STAT6: variants seen among roughly 807,000 people sequenced by gnomAD.
STAT6 encodes the protein STAT, interleukin4-induced.
STAT6 carries 45 observed loss-of-function variants against 106.3 expected under a neutral mutation model. The ratio of observed to expected loss-of-function variants is 0.42; its 90% CI spans 0.33 to 0.54. The LOEUF is 0.54. Among genes scored for constraint, STAT6 ranks in the 20% least tolerant of loss-of-function variants. The pLI, the probability that STAT6 is intolerant of heterozygous loss-of-function variation, is 0.06. For synonymous variants in STAT6, 413 were observed against 413.6 expected, an observed-to-expected ratio of 1.00 and a Z score of 0.02; for missense variants, 797 against 1,062.2, an observed-to-expected ratio of 0.75 and a Z score of 3.47.
At chr12:57,107,347 TGC>T in intron 3 of STAT6, 33 bp from the exon 4 acceptor site, 1 of 1,594,826 alleles carries the variant, frequency 6.3e-7, no homozygotes, top group African/African-American at 1.3e-5. Context: ...CAGTGAGCTT[TGC>T]TCTTACCCAT....
chr12:57,102,795 C>A lies in STAT6; in HGVS notation c.1305+34G>T, dbSNP rs758207223. On this transcript the variant is annotated intron_variant, in intron 12 of 21. Transcript: ENST00000300134. ...ACTGCCCATGTTAGAACCCACCCTG[C>A]CCCTGTTCCCTCCAACTCCAGGACT... is the stretch of plus-strand genomic sequence containing the variant. 10 of 1,568,242 alleles carry A rather than the reference C, an allele frequency of 6.4e-6. No homozygotes were observed. In the Admixed American group the frequency reaches 1.7e-4, roughly 26 times the overall value.
chr12:57,104,805 G>A lies in STAT6; in HGVS notation c.1010C>T (p.Thr337Ile). ...CACAGTGTTGTTGATGATTTCTCCA[G>A]TGCTTTCTCTGCCAGGGGAGGTCAG... is the stretch of plus-strand genomic sequence containing the variant. ...PQGPGAGAESTGEIINNTVPL... is the reference protein window; with the variant it reads ...PQGPGAGAESIGEIINNTVPL... Residue 337 changes from threonine (T) to isoleucine (I), a missense_variant, in exon 10 of 22, where the codon ACT becomes ATT. By Grantham distance (89) the Thr-to-Ile change is moderately conservative. This residue lies in a region of STAT6 where 336 missense variants were observed against 429.8 expected (regional missense o/e 0.78). Transcript: ENST00000300134. The A allele has an allele frequency of 1.9e-6, 3 of 1,614,140 alleles. No homozygotes were observed. Among genetic ancestry groups the A allele is most frequent in the Non-Finnish European group, 2.5e-6 (3 of 1,180,022 alleles).
Position 57,107,687 on chromosome 12 carries a change from G to A in STAT6, c.173C>T (p.Ser58Leu), listed in dbSNP as rs778871413. Residue 58 changes from serine to leucine, a missense_variant, in exon 3 of 22, where the codon TCA (serine) becomes TTA (leucine). Ser to Leu is a moderately radical substitution (Grantham distance 145, BLOSUM62 -2). Transcript: ENST00000300134. ...GGCCTGAAGGTGCTGGACAGTGTCT[G>A]AAAGTAGGGCACTAGCCAAGTTGCA... ...FCCNLASALL[S>L]DTVQHLQASV... The A allele has an allele frequency of 1.2e-6, 2 of 1,614,132 alleles. No homozygotes were observed. Among genetic ancestry groups the A allele is most frequent in the Non-Finnish European group, 1.7e-6 (2 of 1,180,022 alleles).
chr12:57,106,115 T>G, intron 7 of STAT6, 76 bp downstream of exon 7: 1 of 1,587,630 alleles, frequency 6.3e-7, no homozygotes, highest in South Asian at 1.1e-5. Flanking sequence ...CTTCTTTCTC[T>G]CACCTGTAGG....
intron 19 of STAT6, 71 bp from the exon 20 acceptor site, chr12:57,097,204 A>T: frequency 7.7e-7 from 1 of 1,297,818 alleles, no homozygotes; most frequent in Non-Finnish European, 1.0e-6. Context: ...AGTCAGGACC[A>T]CTGAGTGAGG....
Position 57,099,528 on chromosome 12 carries a change from C to T in STAT6, c.1745-88G>A, listed in dbSNP as rs2033679354. ...TACCATAAGACCTGTTCTCACTCCA[C>T]CAAGGCAAGGGAGAGAGGACCTAGG... On this transcript the variant is annotated intron_variant, in intron 15 of 21. Coordinates refer to ENST00000300134, the MANE Select transcript of STAT6 (RefSeq NM_003153.5). This position sits in a 1 kb window ranked among gnomAD's most constrained non-coding sequence, Gnocchi z 4.7. The T allele has an allele frequency of 1.9e-6, 3 of 1,572,788 alleles. No homozygotes were observed. The highest frequency in any genetic ancestry group is 3.4e-5 in the Admixed American group (2 of 58,096).
Position 57,106,516 on chromosome 12 carries a change from C to T in STAT6, c.531+12G>A. 5 of 1,613,984 alleles carry T rather than the reference C, an allele frequency of 3.1e-6. No individual in the cohort carries two copies. The highest frequency in any genetic ancestry group is 4.2e-6 in the Non-Finnish European group (5 of 1,179,936). ...TTTGACCAAGGTCTCCACCTGTCAG[C>T]CCATTACTCACCTCACTTGGCCCAG... On this transcript the variant is annotated intron_variant, in intron 6 of 21. Transcript: ENST00000300134.
chr12:57,102,180 G>C, intron 13 of STAT6, 110 bp downstream of exon 13: 2 of 1,203,644 alleles, frequency 1.7e-6, no homozygotes, highest in Non-Finnish European at 2.4e-6. Flanking sequence ...GACCTGAGGG[G>C]GCACTGTGGA....
At position 57,105,628 on chromosome 12, in the gene STAT6, C is replaced by T. The variant is rs1328866127; in HGVS notation, c.681-29G>A. ...GGGCCAGGACAGTGGTCAGGGGGCA[C>T]AGGATTAAGGCTGCTTGCTCCGGCC... On this transcript the variant is annotated intron_variant, in intron 7 of 21. Transcript: ENST00000300134. The T allele has an allele frequency of 2.5e-6, 4 of 1,612,008 alleles. No homozygotes were observed. The South Asian group carries it at 3.3e-5, about 13-fold the overall frequency.
At chr12:57,102,965 C>CTTTTTT (rs747615370) in intron 11 of STAT6, 44 bp from the exon 12 acceptor site, 15 of 303,354 alleles carry the variant, frequency 4.9e-5, no homozygotes, top group African/African-American at 2.4e-4. Context: ...TCTTTCTTTC[C>CTTTTTT]TTTTTTTTTT....
rs1478295966 is a variant in STAT6 at position 57,098,590 on chromosome 12, C to A, written c.2074G>T (p.Val692Leu). 1.2e-6 allele frequency: 2 copies of A among 1,613,110 alleles called. No homozygotes were observed. Among genetic ancestry groups the A allele is most frequent in the Admixed American group, 1.7e-5 (1 of 59,830 alleles). The stretch of plus-strand genomic sequence containing the variant: ...ATGGAGTGAGAGTGTGGTGGGTACA[C>A]CTGGGGCCTGGGGAAAGAAAACAGA... ...MQLGPDMVPQ[V>L]YPPHSHSIPP... Residue 692 changes from valine to leucine, a missense_variant, in exon 19 of 22, where the codon GTG becomes TTG. By Grantham distance (32) the Val-to-Leu change is conservative. Transcript: ENST00000300134.
Position 57,101,813 on chromosome 12 carries a change from T to C in STAT6, c.1512+477A>G, listed in dbSNP as rs181340100. 2.0e-4 allele frequency among the ~76,000 whole-genome samples: 30 copies of C among 151,442 alleles called. 1 individual carries two copies. In the Middle Eastern group the frequency reaches 0.014, roughly 69 times the overall value. ...CCATGTAGCTGGGATTACAGGCATG[T>C]GCCACCGCAACTGGCTAATTTTTGT... On this transcript the variant is annotated intron_variant, in intron 13 of 21. Coordinates refer to ENST00000300134, the MANE Select transcript of STAT6 (RefSeq NM_003153.5).
At chr12:57,097,518 A>G (rs554891926) in intron 19 of STAT6, among the ~76,000 whole-genome samples, 10 of 152,346 alleles carry the variant, frequency 6.6e-5, no homozygotes, top group East Asian at 1.9e-4. Context: ...ACAAAAACCA[A>G]TACAGCAGAG....
chr12:57,102,551 G>C, intron 12 of STAT6, 55 bp from the exon 13 acceptor site: 2 of 1,574,746 alleles, frequency 1.3e-6, no homozygotes, highest in South Asian at 2.3e-5. Flanking sequence ...GTTATTCCTC[G>C]GGCCGGCCTT....
chr12:57,095,614 A>G lies in STAT6; in HGVS notation c.*958T>C, dbSNP rs1377242406. 6.6e-6 allele frequency: 1 copy of G among 152,020 alleles called. No homozygotes were observed. Among genetic ancestry groups the G allele is most frequent in the Non-Finnish European group, 1.5e-5 (1 of 67,972 alleles). The allele number at this position is 152,020 out of a possible 1,614,324, so 9.4% of individuals were successfully genotyped here. ...GCCACATGGCCAGGCCTGGACCCAGACTCTCACCCTGGCTCCCAGGCAGCA... is the reference window on the plus strand; with the variant it reads ...GCCACATGGCCAGGCCTGGACCCAGGCTCTCACCCTGGCTCCCAGGCAGCA... On this transcript the variant is annotated 3_prime_UTR_variant, in exon 22 of 22. Coordinates refer to ENST00000300134, the MANE Select transcript of STAT6 (RefSeq NM_003153.5).
intron 13 of STAT6, 58 bp from the exon 14 acceptor site, chr12:57,100,148 AG>A: frequency 6.8e-7 from 1 of 1,471,506 alleles, no homozygotes. Context: ...GAGCCTGTTT[AG>A]GGCAGGCAGT....
chr12:57,107,395 A>G (rs2034340341), intron 3 of STAT6, 81 bp from the exon 4 acceptor site: 1 of 1,407,022 alleles, frequency 7.1e-7, no homozygotes, highest in Non-Finnish European at 1.0e-6. Flanking sequence ...GCCTGCATTC[A>G]CACATATACT....
intron 19 of STAT6, 114 bp from the exon 20 acceptor site, chr12:57,097,247 C>T (rs1408198017): frequency 1.2e-6 from 1 of 833,024 alleles, no homozygotes; most frequent in Non-Finnish European, 1.8e-6. Flanking sequence ...CTGACTTAGT[C>T]ATGGCCTGGG....
Position 57,107,330 on chromosome 12 carries a change from T to C in STAT6, c.256-16A>G, listed in dbSNP as rs940870686. The C allele has an allele frequency of 6.2e-7, 1 of 1,609,850 alleles. No homozygotes were observed. ...GATATATGCTCTACAGAAATGAGGGTGGTAAACAGTGAGCTTTGCTCTTAC... is the reference window on the plus strand; with the variant it reads ...GATATATGCTCTACAGAAATGAGGGCGGTAAACAGTGAGCTTTGCTCTTAC... On this transcript the variant is annotated splice_polypyrimidine_tract_variant and intron_variant, in intron 3 of 21. Transcript: ENST00000300134.
Sources: gnomAD v4.1 joint callset for allele counts (sites outside exome capture counted in the v4.1 genomes callset) on GRCh38, gnomAD v4.1.1 for gene constraint, gnomAD v4.1.1 regional missense constraint, Gnocchi (gnomAD v3.1) non-coding constraint, MANE v1.5 for transcripts, NCBI Gene and HGNC (gene_info 2026-07-23, HGNC 2026-07-21) for gene names.